Variants in STARD8 observed in about 807,000 individuals in gnomAD.
The protein encoded by STARD8 is stAR-related lipid transfer protein 8.
In STARD8, 25 loss-of-function variants were observed where a neutral mutation model predicts 69.4. That is an observed-to-expected ratio of 0.36 (90% CI 0.26 to 0.50). STARD8 has a LOEUF of 0.50. STARD8 is among the 20% of genes least tolerant of loss of function. The pLI, the probability that STARD8 is intolerant of heterozygous loss-of-function variation, is 0.96. For synonymous variants in STARD8, 389 were observed against 374.6 expected (o/e 1.04, Z -0.45); for missense variants, 921 against 932.5 (o/e 0.99, Z 0.16).
At chrX:68,651,322 T>A (rs1383283972) in intron 1 of STARD8, among the ~76,000 whole-genome samples, 1 of 112,892 alleles carries the variant, frequency 8.9e-6, no homozygotes, top group Non-Finnish European at 1.9e-5. Flanking sequence ...CAGATGTGAA[T>A]CAACACATGG....
chrX:68,705,189 G>C lies in STARD8; in HGVS notation c.80-7725G>C, dbSNP rs1796533394. On this transcript the variant is annotated intron_variant, in intron 2 of 14. Transcript: ENST00000374599. ...GAAAACTAATGGAGCAACTGCAGCA[G>C]AGCAGGTGGCAGCTTTGACCTTCCT... 2.7e-5 allele frequency among the ~76,000 whole-genome samples: 3 copies of C among 112,605 alleles called. No individual in the cohort carries two copies. The South Asian group carries it at 1.1e-3, about 41-fold the overall frequency.
chrX:68,668,162 C>A (rs1298988361), intron 2 of STARD8, among the ~76,000 whole-genome samples: 2 of 89,175 alleles, frequency 2.2e-5, no homozygotes, highest in African/African-American at 8.6e-5. Context: ...CTTCTTTCTC[C>A]TTCTCTTTCT....
rs767056499 is a variant in STARD8, at chrX:68,715,394, A to G, written c.233+19A>G. 8 of 1,177,020 alleles carry G rather than the reference A, an allele frequency of 6.8e-6. No individual in the cohort carries two copies. The highest frequency in any genetic ancestry group is 9.2e-6 in the Non-Finnish European group (8 of 874,275). On this transcript the variant is annotated intron_variant, in intron 4 of 14. Transcript: ENST00000374599. ...TGTGTAGGTAGGTGGGCTGAGGGCCAGGCCTGGGAAGCCAAAGGCCTGGCT... is the reference window on the plus strand; with the variant it reads ...TGTGTAGGTAGGTGGGCTGAGGGCCGGGCCTGGGAAGCCAAAGGCCTGGCT...
chrX:68,694,804 C>T (rs1244631611), intron 2 of STARD8, among the ~76,000 whole-genome samples: 2 of 111,190 alleles, frequency 1.8e-5, no homozygotes. Flanking sequence ...GCTAAGCCAG[C>T]TGGAAAACTA....
intron 2 of STARD8, among the ~76,000 whole-genome samples, chrX:68,683,555 C>T (rs1452601929): frequency 1.8e-5 from 2 of 111,864 alleles, no homozygotes; most frequent in Non-Finnish European, 3.8e-5. Flanking sequence ...GGTATTAGAC[C>T]GGTATGTCTC....
Position 68,724,069 on chromosome X carries a change from C to T in STARD8, c.3142C>T (p.Pro1048Ser), listed in dbSNP as rs752909790. The change falls in exon 14 of 15, where the codon CCT (proline) becomes TCT (serine). Residue 1048 changes from proline (P) to serine (S), a missense_variant. By Grantham distance (74) the Pro-to-Ser change is moderately conservative. Coordinates refer to ENST00000374599, the MANE Select transcript of STARD8 (RefSeq NM_001142503.3). Reference protein sequence around the residue: ...LMLTSQYLMEPCGLGRSRLTH... With the variant: ...LMLTSQYLMESCGLGRSRLTH... Reference sequence around the variant, plus strand: ...GCTCACATCCCAGTACCTCATGGAGCCTTGCGGCTTGGGCCGCTCTCGGCT... The same window carrying T: ...GCTCACATCCCAGTACCTCATGGAGTCTTGCGGCTTGGGCCGCTCTCGGCT... The T allele has an allele frequency of 5.8e-6, 7 of 1,210,621 alleles. No homozygotes were observed. Among genetic ancestry groups the T allele is most frequent in the Non-Finnish European group, 5.6e-6 (5 of 895,338 alleles).
chrX:68,720,533 C>A (rs746542833), intron 8 of STARD8, 110 bp downstream of exon 8: 36 of 939,200 alleles, frequency 3.8e-5, no homozygotes, highest in Non-Finnish European at 4.6e-5. Context: ...GGCCTTCCCC[C>A]TCACTTGGGC....
intron 2 of STARD8, among the ~76,000 whole-genome samples, chrX:68,680,566 C>G (rs1305812659): frequency 1.8e-5 from 2 of 112,630 alleles, no homozygotes; most frequent in African/African-American, 6.4e-5. Context: ...GCTTTTCTTT[C>G]TGGCAAGGCC....
chrX:68,691,820 T>C (rs2079878614), intron 2 of STARD8, among the ~76,000 whole-genome samples: 1 of 112,588 alleles, frequency 8.9e-6, no homozygotes, highest in Non-Finnish European at 1.9e-5. Context: ...TCTGATTCAG[T>C]TAAATGTATC....
intron 2 of STARD8, chrX:68,693,491 C>A: frequency 4.1e-6 from 1 of 243,041 alleles, no homozygotes; most frequent in Non-Finnish European, 5.8e-6. Flanking sequence ...GCGGCGAGGG[C>A]CTTGGAGGAC....
chrX:68,651,248 C>T (rs773590121), intron 1 of STARD8, among the ~76,000 whole-genome samples: 4 of 112,771 alleles, frequency 3.5e-5, no homozygotes, highest in Non-Finnish European at 7.5e-5. Flanking sequence ...AGCATGCACA[C>T]GGCGTGAAGG....
At chrX:68,649,453 C>T (rs2079534130) in intron 1 of STARD8, among the ~76,000 whole-genome samples, 1 of 109,488 alleles carries the variant, frequency 9.1e-6, no homozygotes, top group South Asian at 4.0e-4. Flanking sequence ...AGTAGGGGTC[C>T]TGAATGAGAT....
rs187419737 is a variant in STARD8, at chrX:68,715,426, T to G, written c.233+51T>G. ...GGAAGCCAAAGGCCTGGCTTGAAGC[T>G]TCCTCGTGGAAAAAAACATCCCTTG... On this transcript the variant is annotated intron_variant, in intron 4 of 14. Transcript: ENST00000374599. The G allele has an allele frequency of 4.7e-6, 5 of 1,065,142 alleles. No individual in the cohort carries two copies. The East Asian group carries it at 1.6e-4, about 33-fold the overall frequency. The allele number at this position is 1,065,142 out of a possible 1,213,427, so 87.8% of individuals were successfully genotyped here.
At chrX:68,676,544 C>T (rs1602561457) in intron 2 of STARD8, among the ~76,000 whole-genome samples, 1 of 112,052 alleles carries the variant, frequency 8.9e-6, no homozygotes, top group African/African-American at 3.2e-5. Context: ...CCCCCCAAAC[C>T]CCGTCTCAAC....
intron 3 of STARD8, among the ~76,000 whole-genome samples, chrX:68,713,340 T>C (rs190574271): frequency 3.6e-5 from 4 of 112,645 alleles, no homozygotes; most frequent in Non-Finnish European, 5.6e-5. Flanking sequence ...TGGCCTCACT[T>C]GCCCCACAGT....
At position 68,720,364 on chromosome X, in the gene STARD8, C is replaced by A. The variant is rs762366482; in HGVS notation, c.1990C>A (p.Pro664Thr). 8.3e-6 allele frequency: 10 copies of A among 1,205,803 alleles called. No homozygotes were observed. The highest frequency in any genetic ancestry group is 1.1e-5 in the Non-Finnish European group (10 of 892,506). Residue 664 changes from proline to threonine, a missense_variant, in exon 8 of 15, where the codon CCA becomes ACA. Coordinates refer to ENST00000374599, the MANE Select transcript of STARD8 (RefSeq NM_001142503.3). The part of the protein sequence containing the change: ...PLIHVQRTGQ[P>T]LPQSIQQAMR... Reference sequence around the variant, plus strand: ...CATCCACGTGCAGCGCACGGGCCAGCCACTGCCACAGAGCATTCAGCAAGC... The same window carrying A: ...CATCCACGTGCAGCGCACGGGCCAGACACTGCCACAGAGCATTCAGCAAGC...
chrX:68,648,143 G>A (rs1251054835), intron 1 of STARD8, among the ~76,000 whole-genome samples: 2 of 112,275 alleles, frequency 1.8e-5, no homozygotes, highest in African/African-American at 6.5e-5. Flanking sequence ...TCTGCTAGTT[G>A]GCTCTTTTTA....
At chrX:68,653,131 A>C (rs1458247418) in intron 1 of STARD8, among the ~76,000 whole-genome samples, 12 of 45,373 alleles carry the variant, frequency 2.6e-4, no homozygotes, top group Non-Finnish European at 3.0e-4. Flanking sequence ...CCACACACAC[A>C]CCACACACCA....
chrX:68,700,011 G>C (rs911313484), intron 2 of STARD8, among the ~76,000 whole-genome samples: 1 of 111,307 alleles, frequency 9.0e-6, no homozygotes, highest in Non-Finnish European at 1.9e-5. Flanking sequence ...GGGGCTTCCA[G>C]CGTACCCTGC....
Sources: gnomAD v4.1 joint callset for allele counts (sites outside exome capture counted in the v4.1 genomes callset) on GRCh38, gnomAD v4.1.1 for gene constraint, MANE v1.5 for transcripts, NCBI Gene and HGNC (gene_info 2026-07-23, HGNC 2026-07-21) for gene names.